The following STAG1 variants were observed in gnomAD, a reference collection of about 807,000 sequenced individuals.
The protein encoded by STAG1 is STAG1 cohesin complex component.
Under a neutral mutation model 170.9 loss-of-function variants are expected in STAG1, and 26 were observed. The ratio of observed to expected loss-of-function variants is 0.15; its 90% CI spans 0.11 to 0.21. The LOEUF (loss-of-function observed/expected upper bound fraction) is 0.21, where lower values mean the gene tolerates loss of function less well. Among genes scored for constraint, STAG1 ranks in the 10% least tolerant of loss-of-function variants. The pLI, the probability that STAG1 is intolerant of heterozygous loss-of-function variation, is 1.00. For missense variants in STAG1, 964 were observed against 1,509.5 expected (o/e 0.64, Z 5.99); for synonymous variants, 514 against 497.7 (o/e 1.03, Z -0.44).
At chr3:136,607,910 C>G (rs1939043812) in intron 3 of STAG1, among the ~76,000 whole-genome samples, 2 of 152,270 alleles carry the variant, frequency 1.3e-5, no homozygotes, top group South Asian at 4.1e-4. Flanking sequence ...TCAACCAATA[C>G]AAGAAAGAGA....
intron 7 of STAG1, among the ~76,000 whole-genome samples, chr3:136,503,470 G>C (rs1256718413): frequency 6.6e-6 from 1 of 152,168 alleles, no homozygotes; most frequent in Admixed American, 6.5e-5. Flanking sequence ...AAACAGGTAT[G>C]ACACAAACCT....
At chr3:136,514,735 A>T (rs1934260505) in intron 7 of STAG1, among the ~76,000 whole-genome samples, 1 of 152,202 alleles carries the variant, frequency 6.6e-6, no homozygotes, top group Non-Finnish European at 1.5e-5. Context: ...TGCAGCCATA[A>T]AAAAGGATGA....
intron 13 of STAG1, among the ~76,000 whole-genome samples, chr3:136,461,768 A>C (rs749054040): frequency 1.3e-5 from 2 of 152,128 alleles, no homozygotes; most frequent in Non-Finnish European, 2.9e-5. Context: ...CAACCTGCAG[A>C]GTGGGTGAAA....
At position 136,464,872 on chromosome 3, in the gene STAG1, T is replaced by C; in HGVS notation, c.1313+9A>G. 1 of 1,604,918 alleles carries C rather than the reference T, an allele frequency of 6.2e-7. No homozygotes were observed. Among genetic ancestry groups the C allele is most frequent in the Non-Finnish European group, 8.5e-7 (1 of 1,175,784 alleles). On this transcript the variant is annotated intron_variant, in intron 13 of 33. Coordinates refer to ENST00000383202, the MANE Select transcript of STAG1 (RefSeq NM_005862.3). ...AAGTAGAACCGGTTTTCAAAGATAA[T>C]TAGCTCACTTTTTGTGAAGGAACTC...
At chr3:136,627,768 G>A (rs1940170687) in intron 2 of STAG1, among the ~76,000 whole-genome samples, 1 of 152,150 alleles carries the variant, frequency 6.6e-6, no homozygotes, top group Non-Finnish European at 1.5e-5. Flanking sequence ...CATAAATTAA[G>A]AGCATGGAAG....
At chr3:136,344,992 G>A (rs900523547) in intron 29 of STAG1, among the ~76,000 whole-genome samples, 1 of 152,032 alleles carries the variant, frequency 6.6e-6, no homozygotes, top group Admixed American at 6.6e-5. Flanking sequence ...GCATTAGCAG[G>A]TTACGTAATT....
At chr3:136,598,623 T>G (rs1322270535) in intron 4 of STAG1, among the ~76,000 whole-genome samples, 2 of 151,942 alleles carry the variant, frequency 1.3e-5, no homozygotes, top group African/African-American at 4.8e-5. Context: ...AGACGGGGTT[T>G]CACTGTGTTA....
intron 1 of STAG1, among the ~76,000 whole-genome samples, chr3:136,725,161 A>G (rs1933587088): frequency 6.6e-6 from 1 of 152,128 alleles, no homozygotes; most frequent in Admixed American, 6.6e-5. Context: ...TCAACTAAGG[A>G]AGCTTCTAAA....
chr3:136,415,066 T>C (rs933293197), intron 21 of STAG1, among the ~76,000 whole-genome samples: 5 of 152,126 alleles, frequency 3.3e-5, no homozygotes, highest in African/African-American at 4.8e-5. Context: ...CCAATCACCA[T>C]AGCAGATTTA....
intron 9 of STAG1, among the ~76,000 whole-genome samples, chr3:136,496,116 C>G (rs1034228249): frequency 6.6e-6 from 1 of 152,050 alleles, no homozygotes; most frequent in African/African-American, 2.4e-5. Flanking sequence ...TGCACTCCAG[C>G]CTGGGCAACA....
At chr3:136,633,748 C>T (rs537418852) in intron 1 of STAG1, among the ~76,000 whole-genome samples, 4 of 139,166 alleles carry the variant, frequency 2.9e-5, no homozygotes, top group African/African-American at 1.1e-4. Flanking sequence ...TATTATAGGC[C>T]GAGGCAAGAG....
intron 28 of STAG1, among the ~76,000 whole-genome samples, chr3:136,353,575 T>G (rs7623218): frequency 0.011 from 1,729 of 152,330 alleles, 24 homozygotes; most frequent in African/African-American, 0.04. Flanking sequence ...GTCAAAGTGT[T>G]GAAAGTAAAA....
intron 24 of STAG1, among the ~76,000 whole-genome samples, chr3:136,368,204 A>T (rs542114691): frequency 6.6e-6 from 1 of 152,328 alleles, no homozygotes; most frequent in East Asian, 1.9e-4. Context: ...AATGTTGTGA[A>T]AGAACAGCCG....
chr3:136,574,319 GAT>G (rs1237935797), intron 4 of STAG1, among the ~76,000 whole-genome samples: 17 of 150,642 alleles, frequency 1.1e-4, no homozygotes, highest in African/African-American at 4.1e-4. Flanking sequence ...CACAATAAAG[GAT>G]ATATATGTAT....
At chr3:136,542,557 C>T (rs1288154089) in intron 5 of STAG1, among the ~76,000 whole-genome samples, 1 of 151,146 alleles carries the variant, frequency 6.6e-6, no homozygotes, top group Non-Finnish European at 1.5e-5. Flanking sequence ...GCCAAAACTA[C>T]AAATTTACAT....
In STAG1 at chr3:136,337,151, C is replaced by T. The variant is rs1459570665; in HGVS notation, c.*1103G>A. 6.6e-6 allele frequency: 1 copy of T among 152,630 alleles called. No individual in the cohort carries two copies. The highest frequency in any genetic ancestry group is 1.5e-5 in the Non-Finnish European group (1 of 68,038). The allele number at this position is 152,630 out of a possible 1,614,324, so 9.5% of individuals were successfully genotyped here. A position where few individuals can be genotyped will look rare whatever the true frequency, so the allele number is the denominator to read the frequency against. ...AAGGTAAGCTTAGGAACTTCACCCT[C>T]TAAGCACAGACTTCTATGCAGCACA... On this transcript the variant is annotated 3_prime_UTR_variant, in exon 34 of 34. Transcript: ENST00000383202.
rs561345879 is a variant in STAG1 at position 136,458,313 on chromosome 3, C to T, written c.1314-6166G>A. ...CTGGAATTACAGGCACCTGCCATCA[C>T]GCCTGGCTGATTTTTATATTTTTAG... On this transcript the variant is annotated intron_variant, in intron 13 of 33. Coordinates refer to ENST00000383202, the MANE Select transcript of STAG1 (RefSeq NM_005862.3). Among the ~76,000 whole-genome samples the T allele has an allele frequency of 1.6e-4, 25 of 152,182 alleles. No homozygotes were observed. In the South Asian group the frequency reaches 4.8e-3, roughly 29 times the overall value.
At chr3:136,594,054 G>C (rs1046090555) in intron 4 of STAG1, among the ~76,000 whole-genome samples, 3 of 152,136 alleles carry the variant, frequency 2.0e-5, no homozygotes, top group Admixed American at 2.0e-4. Flanking sequence ...CTCAGTCAAT[G>C]AATATTAGAA....
intron 9 of STAG1, among the ~76,000 whole-genome samples, chr3:136,488,867 T>A (rs2090068293): frequency 6.6e-6 from 1 of 152,250 alleles, no homozygotes; most frequent in Non-Finnish European, 1.5e-5. Context: ...ATTTTATGTT[T>A]TCATATTAAA....
Sources: allele counts gnomAD v4.1 joint callset (sites outside exome capture counted in the v4.1 genomes callset), GRCh38; gene constraint gnomAD v4.1.1; transcripts MANE v1.5; gene names NCBI Gene and HGNC (gene_info 2026-07-23, HGNC 2026-07-21).